The following EGFLAM variants were observed in gnomAD, a reference collection of about 807,000 sequenced individuals.
EGFLAM encodes pikachurin.
EGFLAM carries 79 observed loss-of-function variants against 113.1 expected under a neutral mutation model. The observed-to-expected ratio is 0.70, with a 90% CI of 0.58 to 0.84. The LOEUF (loss-of-function observed/expected upper bound fraction) is 0.84, where lower values mean the gene tolerates loss of function less well. Ranked by LOEUF, EGFLAM falls within the 40% of genes least tolerant of loss-of-function variation. EGFLAM has a pLI of 0.00. For missense variants in EGFLAM, 1,265 were observed against 1,291.6 expected, an observed-to-expected ratio of 0.98 and a Z score of 0.32; for synonymous variants, 504 against 487.6, an observed-to-expected ratio of 1.03 and a Z score of -0.44.
At chr5:38,294,433 G>A (rs1178094361) in intron 1 of EGFLAM, among the ~76,000 whole-genome samples, 1 of 152,190 alleles carries the variant, frequency 6.6e-6, no homozygotes, top group Non-Finnish European at 1.5e-5. Flanking sequence ...AGGCTGAGAA[G>A]TATGCTCCTT....
At position 38,407,100 on chromosome 5, in the gene EGFLAM, G is replaced by C. The variant is rs771843048; in HGVS notation, c.1101G>C (p.Ser367=). ...FCVNDYTWGG[S]RCQCTLGKGG... is the part of the protein sequence containing the mutation. ...TCAATGACTACACCTGGGGGGGCTC[G>C]CGATGCCAGTGCACCCTGGGCAAAG... The change falls in exon 8 of 22, where the codon TCG becomes TCC. Residue 367 remains serine (S), a synonymous_variant. Coordinates refer to ENST00000322350, the MANE Select transcript of EGFLAM (RefSeq NM_152403.4). The C allele has an allele frequency of 6.2e-7, 1 of 1,614,030 alleles. No homozygotes were observed. Among genetic ancestry groups the C allele is most frequent in the African/African-American group, 1.3e-5 (1 of 75,016 alleles).
intron 6 of EGFLAM, among the ~76,000 whole-genome samples, chr5:38,383,918 T>C (rs191516170): frequency 3.3e-4 from 50 of 151,794 alleles, no homozygotes; most frequent in African/African-American, 1.1e-3. Flanking sequence ...GGGAATGTGG[T>C]GAGTGAGAAA....
chr5:38,259,142 G>A (rs1757437592), intron 1 of EGFLAM, among the ~76,000 whole-genome samples: 1 of 152,234 alleles, frequency 6.6e-6, no homozygotes, highest in African/African-American at 2.4e-5. Flanking sequence ...GACAGCGATC[G>A]TGCTGTCTCA....
chr5:38,431,484 T>C (rs990399574), intron 15 of EGFLAM, among the ~76,000 whole-genome samples, 196 bp downstream of exon 15: 2 of 152,236 alleles, frequency 1.3e-5, no homozygotes, highest in Admixed American at 6.5e-5. Context: ...AATAATAGTA[T>C]GGGCCTCATA....
chr5:38,436,254 G>A (rs1470259668), intron 16 of EGFLAM, among the ~76,000 whole-genome samples: 2 of 152,194 alleles, frequency 1.3e-5, no homozygotes, highest in African/African-American at 4.8e-5. Context: ...ACAAGGATCT[G>A]AAGAAAAGCA....
intron 1 of EGFLAM, chr5:38,286,301 G>T (rs1270849468): frequency 6.6e-6 from 1 of 152,248 alleles, no homozygotes; most frequent in East Asian, 1.9e-4. Context: ...ACCAAGGCAG[G>T]CTGGGCTGGA....
intron 16 of EGFLAM, among the ~76,000 whole-genome samples, chr5:38,437,423 T>A (rs1412142259): frequency 6.6e-6 from 1 of 152,134 alleles, no homozygotes; most frequent in East Asian, 1.9e-4. Flanking sequence ...GTCTCTGGAT[T>A]CCACAGCCAC....
chr5:38,266,163 A>AC (rs1757631072), intron 1 of EGFLAM, among the ~76,000 whole-genome samples: 1 of 151,520 alleles, frequency 6.6e-6, no homozygotes, highest in Admixed American at 6.6e-5. Context: ...TACCTCCCTC[A>AC]CCCCCAATCC....
intron 6 of EGFLAM, among the ~76,000 whole-genome samples, chr5:38,393,597 C>T (rs1013075060): frequency 6.6e-6 from 1 of 152,236 alleles, no homozygotes; most frequent in African/African-American, 2.4e-5. Flanking sequence ...AGATTCGTTC[C>T]CTTGACCCCC....
At chr5:38,396,034 T>C (rs1439589748) in intron 6 of EGFLAM, among the ~76,000 whole-genome samples, 2 of 101,720 alleles carry the variant, frequency 2.0e-5, no homozygotes, top group Non-Finnish European at 4.2e-5. Flanking sequence ...GCTAGAGTTG[T>C]TGTGTTCACA....
rs760338980 is a variant in EGFLAM at position 38,448,302 on chromosome 5, G to A, written c.2466G>A (p.Ala822=). 1.1e-5 allele frequency: 18 copies of A among 1,614,006 alleles called. No individual in the cohort carries two copies. The highest frequency in any genetic ancestry group is 8.9e-5 in the East Asian group (4 of 44,890). Residue 822 remains alanine, a splice_region_variant and synonymous_variant, in exon 18 of 22, where the codon GCG becomes GCA. Transcript: ENST00000322350. ...CCTCCTTTTTCTGTTCTGTCCCAGC[G>A]ATCATAGAAGCCATTGAGATCCCGC... is the stretch of plus-strand genomic sequence containing the variant. ...LGFEGLHCQK[A]IIEAIEIPQF... is the part of the protein sequence containing the mutation.
At chr5:38,456,318 G>T (rs1221365995) in intron 19 of EGFLAM, among the ~76,000 whole-genome samples, 1 of 152,126 alleles carries the variant, frequency 6.6e-6, no homozygotes, top group Non-Finnish European at 1.5e-5. Context: ...ATCAAGGCAG[G>T]TCCGTTGAAT....
intron 6 of EGFLAM, among the ~76,000 whole-genome samples, chr5:38,390,105 G>A (rs1036659109): frequency 6.6e-6 from 1 of 152,086 alleles, no homozygotes; most frequent in South Asian, 2.1e-4. Context: ...CAGCCCCTGA[G>A]TACTTCCCAA....
At position 38,418,231 on chromosome 5, in the gene EGFLAM, A is replaced by G; in HGVS notation, c.1660A>G (p.Lys554Glu). Residue 554 changes from lysine to glutamate, a missense_variant, in exon 12 of 22, where the codon AAA becomes GAA. Lys to Glu is a moderately conservative substitution (Grantham distance 56). Coordinates refer to ENST00000322350, the MANE Select transcript of EGFLAM (RefSeq NM_152403.4). Reference protein sequence around the residue: ...RIDMRPWPLGKALSGADVGEC... With the variant: ...RIDMRPWPLGEALSGADVGEC... The stretch of plus-strand genomic sequence containing the variant: ...TGACATGAGGCCCTGGCCCCTGGGA[A>G]AAGCACTCAGTGGGGCTGATGTGGG... 1.2e-6 allele frequency: 2 copies of G among 1,614,050 alleles called. No individual in the cohort carries two copies. Among genetic ancestry groups the G allele is most frequent in the Non-Finnish European group, 1.7e-6 (2 of 1,179,980 alleles).
chr5:38,318,826 C>T (rs777678414), intron 1 of EGFLAM, among the ~76,000 whole-genome samples: 78 of 152,234 alleles, frequency 5.1e-4, no homozygotes, highest in Non-Finnish European at 8.4e-4. Flanking sequence ...ATGTGATTCT[C>T]TCTTTCCTCA....
At chr5:38,270,782 A>G (rs184508010) in intron 1 of EGFLAM, among the ~76,000 whole-genome samples, 479 of 152,370 alleles carry the variant, frequency 3.1e-3, no homozygotes, top group Admixed American at 5.8e-3. Flanking sequence ...GACGGAAGAT[A>G]TACCTGCAAA....
intron 19 of EGFLAM, among the ~76,000 whole-genome samples, chr5:38,457,507 C>T (rs931010709): frequency 6.6e-6 from 1 of 152,178 alleles, no homozygotes; most frequent in Admixed American, 6.5e-5. Flanking sequence ...CATGGCTTTC[C>T]CTGTCTCTGT....
chr5:38,413,346 G>A (rs549031984), intron 11 of EGFLAM, among the ~76,000 whole-genome samples: 1 of 152,014 alleles, frequency 6.6e-6, no homozygotes, highest in African/African-American at 2.4e-5. Context: ...CATTATTAGT[G>A]TCAAACACAA....
At chr5:38,326,658 T>G (rs1738892486) in intron 1 of EGFLAM, among the ~76,000 whole-genome samples, 1 of 145,564 alleles carries the variant, frequency 6.9e-6, no homozygotes, top group Non-Finnish European at 1.5e-5. Context: ...ACGCCTGGCG[T>G]TTTTTTGTAT....
Sources: gnomAD v4.1 joint callset for allele counts (sites outside exome capture counted in the v4.1 genomes callset) on GRCh38, gnomAD v4.1.1 for gene constraint, MANE v1.5 for transcripts, NCBI Gene and HGNC (gene_info 2026-07-23, HGNC 2026-07-21) for gene names.